PCSK5: variants seen among roughly 807,000 people sequenced by gnomAD.
PCSK5 encodes the protein proprotein convertase subtilisin/kexin type 5, also known as prohormone convertase 5.
In PCSK5, 129 loss-of-function variants were observed where a neutral mutation model predicts 233.2. The ratio of observed to expected loss-of-function variants is 0.55; its 90% CI spans 0.48 to 0.64. The LOEUF is 0.64. Ranked by LOEUF, PCSK5 falls within the 30% of genes least tolerant of loss-of-function variation. The probability of loss-of-function intolerance (pLI) is 0.00; values close to 1 mark genes in which losing one functional copy is unlikely to be tolerated. For missense variants in PCSK5, 2,076 were observed against 2,430.1 expected (o/e 0.85, Z 3.06); for synonymous variants, 825 against 879.2 (o/e 0.94, Z 1.09).
At position 76,302,137 on chromosome 9, in the gene PCSK5, A is replaced by C; in HGVS notation, c.3524A>C (p.Glu1175Ala). 2.3e-6 allele frequency: 3 copies of C among 1,305,250 alleles called. No homozygotes were observed. The highest frequency in any genetic ancestry group is 3.0e-6 in the Non-Finnish European group (3 of 992,186). The allele number at this position is 1,305,250 out of a possible 1,614,324, so 80.9% of individuals were successfully genotyped here. A position where few individuals can be genotyped will look rare whatever the true frequency, so the allele number is the denominator to read the frequency against. The change falls in exon 28 of 38, where the codon GAA (glutamate) becomes GCA (alanine). Residue 1175 changes from glutamate to alanine, a missense_variant and splice_region_variant. Glu to Ala is a moderately radical substitution (Grantham distance 107). Transcript: ENST00000674117. ...KTQEEGKFWNEAVSTANLSVV... is the reference protein window; with the variant it reads ...KTQEEGKFWNAAVSTANLSVV... ...AACACTTTTTTTTTTAATAAAAAAG[A>C]AGCTGTGTCCACTGCAAACCTATCT...
intron 1 of PCSK5, among the ~76,000 whole-genome samples, chr9:75,907,147 C>T (rs535717438): frequency 1.3e-5 from 2 of 152,084 alleles, no homozygotes; most frequent in East Asian, 1.9e-4. Context: ...TGCATAATAG[C>T]TTGCCCAGAA....
At chr9:76,334,746 C>T (rs1829629352) in intron 34 of PCSK5, among the ~76,000 whole-genome samples, 1 of 151,790 alleles carries the variant, frequency 6.6e-6, no homozygotes, top group Admixed American at 6.6e-5. Flanking sequence ...AAACACCAGT[C>T]ATATAGATCA....
At chr9:76,174,770 A>G (rs1823496183) in intron 13 of PCSK5, among the ~76,000 whole-genome samples, 1 of 152,186 alleles carries the variant, frequency 6.6e-6, no homozygotes, top group South Asian at 2.1e-4. Flanking sequence ...CCTCTCTGGT[A>G]GTACATGCTC....
intron 13 of PCSK5, among the ~76,000 whole-genome samples, chr9:76,171,994 A>G (rs1823351834): frequency 6.6e-6 from 1 of 152,018 alleles, no homozygotes; most frequent in African/African-American, 2.4e-5. Context: ...GTACAGTCCT[A>G]TGATAGGTTT....
At chr9:76,264,718 C>T (rs1564143860) in intron 24 of PCSK5, among the ~76,000 whole-genome samples, 1 of 151,982 alleles carries the variant, frequency 6.6e-6, no homozygotes, top group Non-Finnish European at 1.5e-5. Flanking sequence ...ACATCTCATA[C>T]CAGTCAGGGT....
In PCSK5 at chr9:76,259,242, C is replaced by A. The variant is rs541604135; in HGVS notation, c.3142+18558C>A. 4.1e-4 allele frequency among the ~76,000 whole-genome samples: 63 copies of A among 152,292 alleles called. No homozygotes were observed. In the South Asian group the frequency reaches 0.013, roughly 31 times the overall value. On this transcript the variant is annotated intron_variant, in intron 24 of 37. Transcript: ENST00000674117. The stretch of plus-strand genomic sequence containing the variant: ...AGTGTCTACCTCTTGTTCCTCACCT[C>A]CCTCTCCAGCTACACTGCAGGGCCC...
intron 20 of PCSK5, among the ~76,000 whole-genome samples, chr9:76,197,782 G>C (rs1824760277): frequency 6.6e-6 from 1 of 152,150 alleles, no homozygotes; most frequent in Non-Finnish European, 1.5e-5. Flanking sequence ...CCCAGCCCAG[G>C]GCCCTGCGCC....
chr9:75,902,724 G>C (rs1352011447), intron 1 of PCSK5, among the ~76,000 whole-genome samples: 2 of 152,100 alleles, frequency 1.3e-5, no homozygotes, highest in African/African-American at 2.4e-5. Flanking sequence ...ATGTCCACTG[G>C]GCAGATAAAC....
intron 2 of PCSK5, among the ~76,000 whole-genome samples, chr9:75,956,062 A>G (rs1002183026): frequency 6.6e-6 from 1 of 152,192 alleles, no homozygotes; most frequent in African/African-American, 2.4e-5. Context: ...CCACTACACT[A>G]TATTGCCTCT....
At chr9:76,279,675 A>T (rs1827807182) in intron 24 of PCSK5, among the ~76,000 whole-genome samples, 1 of 151,848 alleles carries the variant, frequency 6.6e-6, no homozygotes, top group African/African-American at 2.4e-5. Context: ...GATGATGAGC[A>T]TTTTTTCACA....
chr9:76,044,059 T>G (rs1829263793), intron 5 of PCSK5, among the ~76,000 whole-genome samples: 1 of 152,214 alleles, frequency 6.6e-6, no homozygotes, highest in Non-Finnish European at 1.5e-5. Flanking sequence ...TATTACATTC[T>G]TATGTATTAA....
chr9:76,251,526 T>C (rs1587805370), intron 24 of PCSK5, among the ~76,000 whole-genome samples: 1 of 142,602 alleles, frequency 7.0e-6, no homozygotes. Flanking sequence ...ATTGTGCCAC[T>C]GCACTCCAGC....
At chr9:76,338,188 G>C in intron 34 of PCSK5, 42 bp from the exon 35 acceptor site, 2 of 1,444,730 alleles carry the variant, frequency 1.4e-6, no homozygotes, top group Non-Finnish European at 1.9e-6. Flanking sequence ...CAATTTAGGA[G>C]CAAAGCTTAC....
At chr9:76,023,706 A>T in intron 3 of PCSK5, 32 bp from the exon 4 acceptor site, 1 of 1,564,636 alleles carries the variant, frequency 6.4e-7, no homozygotes. Flanking sequence ...CTCACTATTT[A>T]GTAATCTTGC....
chr9:75,949,451 G>A (rs1814401248), intron 2 of PCSK5, among the ~76,000 whole-genome samples: 1 of 151,996 alleles, frequency 6.6e-6, no homozygotes. Flanking sequence ...TCATCATAAA[G>A]GAACATGGAT....
chr9:76,284,831 C>T (rs2131394455), intron 24 of PCSK5, among the ~76,000 whole-genome samples: 1 of 152,150 alleles, frequency 6.6e-6, no homozygotes, highest in East Asian at 1.9e-4. Context: ...TGCGCCTGGC[C>T]AAACCTCTTT....
intron 24 of PCSK5, among the ~76,000 whole-genome samples, chr9:76,282,340 C>T: frequency 1.5e-5 from 2 of 131,894 alleles, no homozygotes; most frequent in Admixed American, 8.3e-5. Flanking sequence ...TTCTTTCTTC[C>T]TTTTCTTCTG....
intron 34 of PCSK5, among the ~76,000 whole-genome samples, chr9:76,335,877 C>T (rs1049433419): frequency 6.6e-6 from 1 of 152,178 alleles, no homozygotes; most frequent in South Asian, 2.1e-4. Context: ...GTTAGTCTCT[C>T]CATTTTACAG....
At chr9:76,165,544 G>T (rs1217186206) in intron 12 of PCSK5, among the ~76,000 whole-genome samples, 1 of 152,168 alleles carries the variant, frequency 6.6e-6, no homozygotes, top group Non-Finnish European at 1.5e-5. Context: ...TTTCTACCAG[G>T]CTTCATCCAA....
Sources: gnomAD v4.1 joint callset for allele counts (sites outside exome capture counted in the v4.1 genomes callset) on GRCh38, gnomAD v4.1.1 for gene constraint, MANE v1.5 for transcripts, NCBI Gene and HGNC (gene_info 2026-07-23, HGNC 2026-07-21) for gene names.